The following THSD4 variants were observed in gnomAD, a reference collection of about 807,000 sequenced individuals.
THSD4 encodes the protein thrombospondin type 1 domain containing 4, also known as thrombospondin type-1 domain-containing protein 4.
Under a neutral mutation model 119.0 loss-of-function variants are expected in THSD4, and 69 were observed. The ratio of observed to expected loss-of-function variants is 0.58; its 90% CI spans 0.48 to 0.71. The LOEUF (loss-of-function observed/expected upper bound fraction) is 0.71, where lower values mean the gene tolerates loss of function less well. Among genes scored for constraint, THSD4 ranks in the 30% least tolerant of loss-of-function variants. The pLI, the probability that THSD4 is intolerant of heterozygous loss-of-function variation, is 0.00. For missense variants in THSD4, 1,393 were observed against 1,391.1 expected (o/e 1.00, Z -0.02); for synonymous variants, 524 against 540.4 (o/e 0.97, Z 0.42).
At chr15:71,722,235 T>C (rs957417196) in intron 8 of THSD4, among the ~76,000 whole-genome samples, 3 of 152,118 alleles carry the variant, frequency 2.0e-5, no homozygotes, top group African/African-American at 7.2e-5. Flanking sequence ...TGGGGGCTAG[T>C]TTTTGAGCTG....
intron 3 of THSD4, 63 bp downstream of exon 3, chr15:71,154,995 T>C (rs2040762628): frequency 1.3e-6 from 2 of 1,514,436 alleles, no homozygotes; most frequent in Admixed American, 3.3e-5. Context: ...CTGTGGTCAC[T>C]GCCCTGAACT....
intron 2 of THSD4, among the ~76,000 whole-genome samples, chr15:71,142,156 C>G (rs1284959234): frequency 2.0e-5 from 3 of 152,328 alleles, no homozygotes; most frequent in Non-Finnish European, 4.4e-5. Context: ...TAAAATGGTG[C>G]TCTCTCTTGT....
At chr15:71,366,296 G>A (rs530422371) in intron 6 of THSD4, among the ~76,000 whole-genome samples, 3 of 152,050 alleles carry the variant, frequency 2.0e-5, no homozygotes, top group South Asian at 2.1e-4. Flanking sequence ...GGATGGTCTC[G>A]ATCTCCCGTC....
intron 7 of THSD4, among the ~76,000 whole-genome samples, chr15:71,537,097 T>A (rs990847515): frequency 1.3e-5 from 2 of 152,190 alleles, no homozygotes; most frequent in African/African-American, 2.4e-5. Flanking sequence ...TTTGTGTTTT[T>A]AAAAATATAT....
chr15:71,404,183 T>G (rs1272756248), intron 6 of THSD4, among the ~76,000 whole-genome samples: 3 of 152,224 alleles, frequency 2.0e-5, no homozygotes, highest in Non-Finnish European at 4.4e-5. Flanking sequence ...TATCATGATA[T>G]GATTGCAAAC....
intron 7 of THSD4, among the ~76,000 whole-genome samples, chr15:71,579,659 T>C (rs1005294871): frequency 1.3e-5 from 2 of 152,172 alleles, no homozygotes; most frequent in African/African-American, 2.4e-5. Flanking sequence ...TCCCCTCAAA[T>C]TGGGTCATGT....
intron 7 of THSD4, chr15:71,549,548 G>A (rs1363406243): frequency 6.6e-6 from 1 of 152,142 alleles, no homozygotes; most frequent in Non-Finnish European, 1.5e-5. Context: ...GAAGAATGTG[G>A]CATTTATTTA....
rs565658348 is a variant in THSD4 at position 71,288,040 on chromosome 15, A to C, written c.1015+31325A>C. Among the ~76,000 whole-genome samples, 155 of 152,314 alleles carry C rather than the reference A, an allele frequency of 1.0e-3. 1 individual carries two copies. The highest frequency in any genetic ancestry group is 3.6e-3 in the African/African-American group (149 of 41,558). ...TATAGATAGGCCACCTACAAAGTGCACTGGGTGATATTTTATACTGCAGAT... is the reference window on the plus strand; with the variant it reads ...TATAGATAGGCCACCTACAAAGTGCCCTGGGTGATATTTTATACTGCAGAT... On this transcript the variant is annotated intron_variant, in intron 6 of 17. Transcript: ENST00000261862.
At chr15:71,430,652 G>T (rs2046930485) in intron 7 of THSD4, among the ~76,000 whole-genome samples, 1 of 150,676 alleles carries the variant, frequency 6.6e-6, no homozygotes, top group African/African-American at 2.4e-5. Context: ...AGCTACTCGG[G>T]AGGCTGAGGC....
intron 6 of THSD4, among the ~76,000 whole-genome samples, chr15:71,334,110 G>A (rs756263302): frequency 6.6e-5 from 10 of 152,218 alleles, no homozygotes; most frequent in Non-Finnish European, 1.2e-4. Context: ...ATGGAGGACA[G>A]TGTGATAAGA....
intron 3 of THSD4, among the ~76,000 whole-genome samples, chr15:71,196,636 A>G (rs976307732): frequency 2.6e-5 from 4 of 152,100 alleles, no homozygotes; most frequent in African/African-American, 9.7e-5. Flanking sequence ...AGATAGTGAG[A>G]TGAGTTTCAG....
intron 3 of THSD4, 81 bp downstream of exon 3, chr15:71,155,013 G>T (rs1009485247): frequency 7.4e-7 from 1 of 1,359,988 alleles, no homozygotes; most frequent in Non-Finnish European, 1.0e-6. Context: ...ACTTTGTTCT[G>T]TTTGAAGGTG....
chr15:71,724,287 A>ATATACATATATATATATT, intron 8 of THSD4, among the ~76,000 whole-genome samples: 1 of 37,286 alleles, frequency 2.7e-5, no homozygotes, highest in Non-Finnish European at 6.1e-5. Flanking sequence ...ATATATATAT[A>ATATACATATATATATATT]TTTTTTTTTT....
chr15:71,215,199 C>A lies in THSD4; in HGVS notation c.264C>A (p.Arg88=), dbSNP rs1446708097. The change falls in exon 4 of 18, where the codon CGC becomes CGA. Residue 88 remains arginine, a synonymous_variant. Coordinates refer to ENST00000261862, the MANE Select transcript of THSD4 (RefSeq NM_024817.3). ...RPCLPRSYRL[R]GGQRPGAPAR... ...GCCTGCCCCGCTCCTACCGCCTGCG[C>A]GGCGGCCAGCGGCCTGGCGCCCCTG... The A allele has an allele frequency of 7.4e-7, 1 of 1,356,516 alleles. No homozygotes were observed. The highest frequency in any genetic ancestry group is 3.6e-5 in the Admixed American group (1 of 27,514). 84.0% of individuals were successfully genotyped at this position (1,356,516 alleles called of 1,614,324 possible). A position where few individuals can be genotyped will look rare whatever the true frequency, so the allele number is the denominator to read the frequency against.
chr15:71,422,942 A>T (rs1337089090), intron 7 of THSD4, among the ~76,000 whole-genome samples: 1 of 152,032 alleles, frequency 6.6e-6, no homozygotes, highest in African/African-American at 2.4e-5. Flanking sequence ...TTCTGCAAGC[A>T]GAGGAGTCTG....
intron 6 of THSD4, among the ~76,000 whole-genome samples, chr15:71,408,638 G>GTTTGATC (rs1451085083): frequency 1.3e-5 from 2 of 152,148 alleles, no homozygotes; most frequent in East Asian, 3.9e-4. Flanking sequence ...GATCACTTGA[G>GTTTGATC]ACCAGGAGTT....
At chr15:71,704,190 C>T (rs1260980802) in intron 8 of THSD4, among the ~76,000 whole-genome samples, 1 of 152,194 alleles carries the variant, frequency 6.6e-6, no homozygotes, top group African/African-American at 2.4e-5. Flanking sequence ...AAAGTGATTT[C>T]TCCCCAAGAA....
intron 7 of THSD4, among the ~76,000 whole-genome samples, chr15:71,446,731 C>T (rs1238014906): frequency 2.6e-5 from 4 of 152,146 alleles, no homozygotes; most frequent in Non-Finnish European, 5.9e-5. Flanking sequence ...TTTTTTCTCT[C>T]TGCCAAACTC....
chr15:71,378,253 T>G (rs2046177624), intron 6 of THSD4, among the ~76,000 whole-genome samples: 1 of 152,184 alleles, frequency 6.6e-6, no homozygotes, highest in Non-Finnish European at 1.5e-5. Context: ...CATCATACAG[T>G]TTTCTATCGG....
Sources: gnomAD v4.1 joint callset for allele counts (sites outside exome capture counted in the v4.1 genomes callset) on GRCh38, gnomAD v4.1.1 for gene constraint, MANE v1.5 for transcripts, NCBI Gene and HGNC (gene_info 2026-07-23, HGNC 2026-07-21) for gene names.